The following ADGRL2 variants were observed in gnomAD, a reference collection of about 807,000 sequenced individuals.
ADGRL2 encodes adhesion G protein-coupled receptor L2, also known as calcium-independent alpha-latrotoxin receptor 2.
A neutral mutation model predicts 157.4 loss-of-function variants in ADGRL2; 44 were observed. The observed-to-expected ratio is 0.28, with a 90% CI of 0.22 to 0.36. ADGRL2 has a LOEUF of 0.36. Among genes scored for constraint, ADGRL2 ranks in the 10% least tolerant of loss-of-function variants. The pLI is 1.00. For missense variants in ADGRL2, 1,510 were observed against 1,768.9 expected, an observed-to-expected ratio of 0.85 and a Z score of 2.63; for synonymous variants, 585 against 624.7, an observed-to-expected ratio of 0.94 and a Z score of 0.95.
chr1:81,410,281 G>C (rs1241602956), intron 1 of ADGRL2, among the ~76,000 whole-genome samples: 3 of 152,218 alleles, frequency 2.0e-5, no homozygotes, highest in African/African-American at 4.8e-5. Flanking sequence ...ACAGAGAAGG[G>C]AAATTTGTAT....
At chr1:81,687,564 C>T (rs2083254512) in intron 3 of ADGRL2, among the ~76,000 whole-genome samples, 1 of 152,134 alleles carries the variant, frequency 6.6e-6, no homozygotes, top group Non-Finnish European at 1.5e-5. Flanking sequence ...CTGAAGGCAT[C>T]AGATGGTTGG....
At chr1:81,331,272 A>G (rs1480339182) in intron 1 of ADGRL2, among the ~76,000 whole-genome samples, 2 of 152,164 alleles carry the variant, frequency 1.3e-5, no homozygotes, top group African/African-American at 4.8e-5. Context: ...TGATAGAGAG[A>G]GAGGTTTCAC....
At chr1:81,734,646 C>T (rs1025405204) in intron 1 of ADGRL2, among the ~76,000 whole-genome samples, 8 of 147,864 alleles carry the variant, frequency 5.4e-5, no homozygotes, top group African/African-American at 2.0e-4. Context: ...ATAAACACAC[C>T]TACCACATAC....
At chr1:81,539,021 A>T (rs2079815393) in intron 2 of ADGRL2, among the ~76,000 whole-genome samples, 1 of 151,040 alleles carries the variant, frequency 6.6e-6, no homozygotes. Flanking sequence ...AAAAAAAAAA[A>T]AAAAAAAGAC....
At chr1:81,511,229 T>C (rs1206996703) in intron 2 of ADGRL2, among the ~76,000 whole-genome samples, 2 of 151,790 alleles carry the variant, frequency 1.3e-5, no homozygotes, top group African/African-American at 2.4e-5. Flanking sequence ...GAGGATGTTG[T>C]CTTTCTTTGA....
In ADGRL2 at chr1:81,450,675, A is replaced by T. The variant is rs537016554; in HGVS notation, c.-248+5586A>T. On this transcript the variant is annotated intron_variant, in intron 2 of 24. Transcript: ENST00000370721. The stretch of plus-strand genomic sequence containing the variant: ...ATTGCATGTATGTACATTAACATCA[A>T]CCAATACTTATTATTTAGTCCCATG... Among the ~76,000 whole-genome samples, 7 of 152,082 alleles carry T rather than the reference A, an allele frequency of 4.6e-5. No homozygotes were observed. The South Asian group carries it at 1.5e-3, about 32-fold the overall frequency.
At chr1:81,973,876 C>A (rs970534054) in intron 17 of ADGRL2, among the ~76,000 whole-genome samples, 1 of 152,082 alleles carries the variant, frequency 6.6e-6, no homozygotes, top group African/African-American at 2.4e-5. Flanking sequence ...AAAACAGCGT[C>A]TTGCAAAAGA....
chr1:81,662,587 C>T lies in ADGRL2; in HGVS notation c.-143+81607C>T, dbSNP rs191028922. Among the ~76,000 whole-genome samples, 532 of 150,662 alleles carry T rather than the reference C, an allele frequency of 3.5e-3. 4 individuals are homozygous for T. The highest frequency in any genetic ancestry group is 0.012 in the African/African-American group (498 of 40,872). On this transcript the variant is annotated intron_variant, in intron 3 of 24. Coordinates refer to the ADGRL2 transcript ENST00000370721. The stretch of plus-strand genomic sequence containing the variant: ...TTTTTCTTTTTGAGACAGAGTCTCG[C>T]TCTGTCGCCCAGGCTAGAGTGCAGT...
At chr1:81,371,491 A>G (rs1331440844) in intron 1 of ADGRL2, among the ~76,000 whole-genome samples, 3 of 152,218 alleles carry the variant, frequency 2.0e-5, no homozygotes, top group Non-Finnish European at 4.4e-5. Flanking sequence ...TAATATTGAC[A>G]CTTGTAAATA....
At chr1:81,397,464 C>A (rs185959135) in intron 1 of ADGRL2, among the ~76,000 whole-genome samples, 2 of 151,638 alleles carry the variant, frequency 1.3e-5, no homozygotes, top group African/African-American at 4.8e-5. Context: ...AGACTAGAGG[C>A]GCCCGCCACC....
intron 1 of ADGRL2, among the ~76,000 whole-genome samples, chr1:81,416,768 T>G (rs1440789713): frequency 2.6e-5 from 4 of 152,224 alleles, no homozygotes; most frequent in Admixed American, 6.5e-5. Context: ...TACTACGGGT[T>G]TACTTTAATT....
intron 10 of ADGRL2, 146 bp from the exon 11 acceptor site, chr1:81,955,731 T>C: frequency 1.9e-6 from 1 of 531,656 alleles, no homozygotes; most frequent in South Asian, 3.2e-5. Context: ...ATGGACCAGA[T>C]ATATGTTGTC....
intron 1 of ADGRL2, among the ~76,000 whole-genome samples, chr1:81,321,618 C>A (rs1447706488): frequency 6.6e-6 from 1 of 152,010 alleles, no homozygotes; most frequent in Non-Finnish European, 1.5e-5. Flanking sequence ...TGGAGAATAC[C>A]CTGTCAATAG....
chr1:81,926,462 C>G (rs1447291239), intron 3 of ADGRL2, among the ~76,000 whole-genome samples: 1 of 151,948 alleles, frequency 6.6e-6, no homozygotes, highest in African/African-American at 2.4e-5. Flanking sequence ...AAGTTTCTTG[C>G]TAATTTAATC....
intron 2 of ADGRL2, among the ~76,000 whole-genome samples, chr1:81,885,940 C>CAA (rs2094118706): frequency 6.6e-6 from 1 of 152,126 alleles, no homozygotes; most frequent in South Asian, 2.1e-4. Flanking sequence ...AAAATTTAGA[C>CAA]AGGTCAGATA....
At chr1:81,569,127 A>G (rs1318992044) in intron 2 of ADGRL2, among the ~76,000 whole-genome samples, 1 of 152,196 alleles carries the variant, frequency 6.6e-6, no homozygotes, top group Non-Finnish European at 1.5e-5. Context: ...GGGTACTGGT[A>G]TTCAGTTCTA....
chr1:81,732,885 G>C (rs2084771882), intron 1 of ADGRL2, among the ~76,000 whole-genome samples: 1 of 152,026 alleles, frequency 6.6e-6, no homozygotes, highest in Admixed American at 6.6e-5. Flanking sequence ...TTAAAAAAAA[G>C]AAAGACCATA....
chr1:81,696,491 G>A (rs1047281239), upstream of ADGRL2, among the ~76,000 whole-genome samples: 5 of 152,206 alleles, frequency 3.3e-5, no homozygotes, highest in South Asian at 1.0e-3. Context: ...GGTGGCTCAC[G>A]CCTGTAATCC....
At chr1:81,356,971 A>AAAAAAAAAAAAAAAAAGAAG (rs80327519) in intron 1 of ADGRL2, among the ~76,000 whole-genome samples, 9 of 99,398 alleles carry the variant, frequency 9.1e-5, no homozygotes, top group African/African-American at 1.6e-4. Flanking sequence ...AAAAAAAAAA[A>AAAAAAAAAAAAAAAAAGAAG]AAGAAGTTGT....
Sources: gnomAD v4.1 joint callset for allele counts (sites outside exome capture counted in the v4.1 genomes callset) on GRCh38, gnomAD v4.1.1 for gene constraint, MANE v1.5 for transcripts, NCBI Gene and HGNC (gene_info 2026-07-23, HGNC 2026-07-21) for gene names.